The following TAF4 variants were observed in gnomAD, a reference collection of about 807,000 sequenced individuals.
TAF4 encodes the protein TATA-box binding protein associated factor 4, also known as transcription initiation factor TFIID subunit 4.
TAF4 carries 9 observed loss-of-function variants against 90.3 expected under a neutral mutation model. That is an observed-to-expected ratio of 0.10 (90% CI 0.06 to 0.17). The LOEUF (loss-of-function observed/expected upper bound fraction) is 0.17, where lower values mean the gene tolerates loss of function less well. TAF4 is among the 10% of genes least tolerant of loss of function. TAF4 has a pLI of 1.00. For missense variants in TAF4, 1,351 were observed against 1,370.7 expected (o/e 0.99, Z 0.23); for synonymous variants, 818 against 638.9 (o/e 1.28, Z -4.23).
intron 1 of TAF4, among the ~76,000 whole-genome samples, chr20:62,043,323 A>G (rs1408685357): frequency 6.6e-6 from 1 of 152,214 alleles, no homozygotes; most frequent in Non-Finnish European, 1.5e-5. Context: ...ATAAGGATAC[A>G]AAGAAAGTAT....
rs1386051338 is a variant in TAF4 at position 62,000,223 on chromosome 20, T to C, written c.2688A>G (p.Pro896=). 2 of 1,614,168 alleles carry C rather than the reference T, an allele frequency of 1.2e-6. No homozygotes were observed. The highest frequency in any genetic ancestry group is 1.7e-4 in the Middle Eastern group (1 of 6,050). ...GKKHGITELH[P]DVVSYVSHAT... ...CATGTGATACATAACTTACTACATC[T>C]GGATGTAATTCCGTTATACCATGTT... Residue 896 remains proline, a synonymous_variant, in exon 11 of 15, where the codon CCA becomes CCG. Transcript: ENST00000252996.
intron 1 of TAF4, among the ~76,000 whole-genome samples, chr20:62,021,083 G>C (rs1232628348): frequency 1.3e-5 from 2 of 152,148 alleles, no homozygotes; most frequent in Non-Finnish European, 2.9e-5. Flanking sequence ...GAGCTCCACA[G>C]AAACGGGAAG....
At chr20:62,045,062 A>C (rs900615450) in intron 1 of TAF4, among the ~76,000 whole-genome samples, 11 of 152,246 alleles carry the variant, frequency 7.2e-5, no homozygotes, top group Non-Finnish European at 1.5e-5. Flanking sequence ...TAGTGACTAC[A>C]AGGAAAAGAA....
chr20:62,044,909 G>C (rs973179473), intron 1 of TAF4, among the ~76,000 whole-genome samples: 2 of 152,188 alleles, frequency 1.3e-5, no homozygotes, highest in African/African-American at 4.8e-5. Flanking sequence ...TTGCACCAGA[G>C]GCACCAAACA....
At chr20:62,048,362 G>A (rs770251526) in intron 1 of TAF4, among the ~76,000 whole-genome samples, 3 of 152,256 alleles carry the variant, frequency 2.0e-5, no homozygotes, top group South Asian at 2.1e-4. Flanking sequence ...TGGGCATCCC[G>A]AGTGCAGAGC....
chr20:61,988,668 A>G (rs987761363), intron 14 of TAF4, among the ~76,000 whole-genome samples: 6 of 152,234 alleles, frequency 3.9e-5, no homozygotes, highest in East Asian at 3.9e-4. Context: ...TGTTACACAG[A>G]TAACACACAA....
chr20:61,985,124 C>T (rs942980375), intron 14 of TAF4, among the ~76,000 whole-genome samples: 28 of 150,464 alleles, frequency 1.9e-4, no homozygotes, highest in Middle Eastern at 3.4e-3. Flanking sequence ...ACCATGGCAA[C>T]GCTCCACCTC....
intron 1 of TAF4, among the ~76,000 whole-genome samples, chr20:62,025,544 A>G (rs1407983382): frequency 6.6e-6 from 1 of 152,186 alleles, no homozygotes; most frequent in Non-Finnish European, 1.5e-5. Context: ...GGTTCTCATG[A>G]TAGCGAGTGA....
chr20:62,049,394 A>G (rs1221357323), intron 1 of TAF4, among the ~76,000 whole-genome samples: 2 of 152,038 alleles, frequency 1.3e-5, no homozygotes, highest in Non-Finnish European at 1.5e-5. Context: ...ACACAGGCCC[A>G]CTTCTGCGTC....
At chr20:62,019,389 C>T (rs1196852087) in intron 1 of TAF4, among the ~76,000 whole-genome samples, 1 of 152,240 alleles carries the variant, frequency 6.6e-6, no homozygotes, top group Non-Finnish European at 1.5e-5. Context: ...CGTAACTGTC[C>T]GTGGCTACAT....
At chr20:61,983,091 C>T (rs1401468700) in intron 14 of TAF4, among the ~76,000 whole-genome samples, 1 of 152,056 alleles carries the variant, frequency 6.6e-6, no homozygotes, top group African/African-American at 2.4e-5. Context: ...TGTGCCTCCC[C>T]TGTGGAGGTC....
At chr20:61,989,914 T>A (rs2123109576) in intron 14 of TAF4, among the ~76,000 whole-genome samples, 1 of 152,102 alleles carries the variant, frequency 6.6e-6, no homozygotes, top group South Asian at 2.1e-4. Context: ...GCCCCAGGGG[T>A]GGCGACACAG....
At chr20:62,048,634 C>T (rs77496295) in intron 1 of TAF4, among the ~76,000 whole-genome samples, 4,122 of 151,546 alleles carry the variant, frequency 0.027, 198 homozygotes, top group African/African-American at 0.095. Flanking sequence ...CACAGGCCCT[C>T]TCCCTGTATG....
At chr20:61,984,252 A>G (rs2055568734) in intron 14 of TAF4, among the ~76,000 whole-genome samples, 1 of 152,128 alleles carries the variant, frequency 6.6e-6, no homozygotes, top group Admixed American at 6.5e-5. Context: ...ACCAGCAAAC[A>G]CAAGAACTAT....
At chr20:62,047,723 G>C (rs1341922975) in intron 1 of TAF4, among the ~76,000 whole-genome samples, 1 of 152,230 alleles carries the variant, frequency 6.6e-6, no homozygotes, top group Non-Finnish European at 1.5e-5. Context: ...GTCAAGCCCA[G>C]GTGATGCAAC....
chr20:62,064,346 T>A (rs1293238977), intron 1 of TAF4, 105 bp downstream of exon 1: 1 of 1,223,496 alleles, frequency 8.2e-7, no homozygotes. Context: ...GCCACGGGCC[T>A]ACGGGACAGA....
chr20:62,061,664 G>A (rs755787452), intron 1 of TAF4, among the ~76,000 whole-genome samples: 5 of 152,158 alleles, frequency 3.3e-5, no homozygotes, highest in Non-Finnish European at 5.9e-5. Context: ...ATCACAACCT[G>A]ACTATGACGT....
chr20:62,033,316 G>C (rs1022362369), intron 1 of TAF4, among the ~76,000 whole-genome samples: 8 of 152,232 alleles, frequency 5.3e-5, no homozygotes, highest in Non-Finnish European at 1.0e-4. Context: ...GCAGGACAAA[G>C]GAGCTAACAA....
rs1394581821 is a variant in TAF4, at chr20:62,064,986, G to C, written c.825C>G (p.Pro275=). 2 of 263,978 alleles carry C rather than the reference G, an allele frequency of 7.6e-6. No individual in the cohort carries two copies. The highest frequency in any genetic ancestry group is 1.1e-5 in the Non-Finnish European group (2 of 180,724). 16.4% of individuals were successfully genotyped at this position (263,978 alleles called of 1,614,324 possible). The part of the protein sequence containing the change: ...APAAAPPPPP[P]APATLARPPG... ...GCGGCCGGGCCAGAGTGGCGGGCGC[G>C]GGGGGTGGCGGGGGCGGGGCGGCGG... Residue 275 remains proline, a synonymous_variant, in exon 1 of 15, where the codon CCC becomes CCG. Transcript: ENST00000252996.
Sources: allele counts gnomAD v4.1 joint callset (sites outside exome capture counted in the v4.1 genomes callset), GRCh38; gene constraint gnomAD v4.1.1; transcripts MANE v1.5; gene names NCBI Gene and HGNC (gene_info 2026-07-23, HGNC 2026-07-21).